The following GAB1 variants were observed in gnomAD, a reference collection of about 807,000 sequenced individuals.
GAB1 encodes the protein GRB2-associated-binding protein 1.
In GAB1, 19 loss-of-function variants were observed where a neutral mutation model predicts 66.5. The ratio of observed to expected loss-of-function variants is 0.29; its 90% CI spans 0.20 to 0.42. GAB1 has a LOEUF of 0.42. Ranked by LOEUF, GAB1 falls within the 10% of genes least tolerant of loss-of-function variation. GAB1 has a pLI of 1.00. For missense variants in GAB1, 732 were observed against 858.5 expected, an observed-to-expected ratio of 0.85 and a Z score of 1.84; for synonymous variants, 294 against 301.4, an observed-to-expected ratio of 0.98 and a Z score of 0.25.
In GAB1 at chr4:143,470,187, T is replaced by TA. The variant is rs1211576219; in HGVS notation, c.*999dup. On this transcript the variant is annotated 3_prime_UTR_variant, in exon 10 of 10. Transcript: ENST00000262994. ...AGATAGTAATTCAGATTTATTACTC[T>TA]ATGAAATTCTGTCTTTTGACACCAT... The TA allele has an allele frequency of 6.6e-6, 1 of 152,222 alleles. No homozygotes were observed. Among genetic ancestry groups the TA allele is most frequent in the East Asian group, 1.9e-4 (1 of 5,204 alleles). The allele number at this position is 152,222 out of a possible 1,614,324, so 9.4% of individuals were successfully genotyped here. A position where few individuals can be genotyped will look rare whatever the true frequency, so the allele number is the denominator to read the frequency against.
At chr4:143,371,293 T>A (rs1730111192) in intron 1 of GAB1, among the ~76,000 whole-genome samples, 1 of 152,214 alleles carries the variant, frequency 6.6e-6, no homozygotes, top group African/African-American at 2.4e-5. Flanking sequence ...ATTTCTCTGA[T>A]GGCCAGTGAT....
chr4:143,355,536 T>C (rs1729411649), intron 1 of GAB1, among the ~76,000 whole-genome samples: 1 of 152,162 alleles, frequency 6.6e-6, no homozygotes, highest in Admixed American at 6.5e-5. Flanking sequence ...CAGCCCAATC[T>C]CTCCTGCTTC....
chr4:143,357,865 C>CATAT (rs28989211), intron 1 of GAB1, among the ~76,000 whole-genome samples: 3,409 of 148,946 alleles, frequency 0.023, 116 homozygotes, highest in African/African-American at 0.079. Context: ...AGTTTTAAAT[C>CATAT]ATATATATAT....
At chr4:143,348,714 G>C (rs904429773) in intron 1 of GAB1, among the ~76,000 whole-genome samples, 7 of 152,158 alleles carry the variant, frequency 4.6e-5, no homozygotes, top group African/African-American at 1.7e-4. Context: ...TTTGCTCTTC[G>C]GAGTGCCTCT....
At chr4:143,467,118 A>C in intron 9 of GAB1, among the ~76,000 whole-genome samples, 1 of 151,836 alleles carries the variant, frequency 6.6e-6, no homozygotes. Context: ...AAATGTCTTT[A>C]TTTTGCCTTC....
chr4:143,413,465 T>C (rs1732501835), intron 1 of GAB1, among the ~76,000 whole-genome samples: 1 of 152,190 alleles, frequency 6.6e-6, no homozygotes, highest in African/African-American at 2.4e-5. Flanking sequence ...CTTATTCCTT[T>C]GAGCTGCGTG....
chr4:143,337,295 C>T (rs775444261), intron 1 of GAB1, 35 bp downstream of exon 1: 5 of 1,537,996 alleles, frequency 3.3e-6, no homozygotes, highest in East Asian at 2.4e-5. Context: ...CCGCGGGCCT[C>T]GGCGTCCACA....
intron 2 of GAB1, among the ~76,000 whole-genome samples, chr4:143,421,493 G>A (rs1369395565): frequency 1.3e-5 from 2 of 151,996 alleles, no homozygotes; most frequent in Non-Finnish European, 2.9e-5. Flanking sequence ...TCCAAAGTTA[G>A]TGTACCAGTT....
At chr4:143,387,117 G>T (rs1367040863) in intron 1 of GAB1, among the ~76,000 whole-genome samples, 3 of 151,090 alleles carry the variant, frequency 2.0e-5, no homozygotes, top group Non-Finnish European at 4.4e-5. Context: ...CAGGTGATTG[G>T]TTTTTTGTTG....
At chr4:143,439,511 T>C in intron 4 of GAB1, 1 of 328,614 alleles carries the variant, frequency 3.0e-6, no homozygotes, top group Non-Finnish European at 5.7e-6. Context: ...GATGAGAAAA[T>C]AGAGGTGTTT....
At chr4:143,345,029 T>C (rs1009444499) in intron 1 of GAB1, among the ~76,000 whole-genome samples, 1 of 152,224 alleles carries the variant, frequency 6.6e-6, no homozygotes, top group South Asian at 2.1e-4. Context: ...TGCAGTATTA[T>C]CTGGAACAAA....
At chr4:143,419,034 G>A (rs1279618004) in intron 2 of GAB1, among the ~76,000 whole-genome samples, 4 of 152,100 alleles carry the variant, frequency 2.6e-5, no homozygotes, top group Middle Eastern at 3.2e-3. Context: ...CTACTAGGCT[G>A]TGGGAATTCA....
intron 6 of GAB1, among the ~76,000 whole-genome samples, chr4:143,446,662 T>C (rs182972967): frequency 3.7e-4 from 56 of 151,334 alleles, no homozygotes; most frequent in Admixed American, 8.5e-4. Flanking sequence ...TCTTGTAAAT[T>C]TGTTTGAGTT....
chr4:143,401,803 A>G (rs1244426722), intron 1 of GAB1, among the ~76,000 whole-genome samples: 1 of 152,130 alleles, frequency 6.6e-6, no homozygotes, highest in Non-Finnish European at 1.5e-5. Context: ...AATATGGAGA[A>G]ATAGATTTTT....
intron 1 of GAB1, among the ~76,000 whole-genome samples, chr4:143,368,443 TG>T (rs1382983140): frequency 4.6e-5 from 7 of 152,216 alleles, no homozygotes; most frequent in African/African-American, 1.7e-4. Context: ...GAAAACTTGT[TG>T]GAGTAGGAAT....
intron 3 of GAB1, among the ~76,000 whole-genome samples, chr4:143,435,277 T>C (rs553954886): frequency 6.6e-6 from 1 of 152,320 alleles, no homozygotes; most frequent in Non-Finnish European, 1.5e-5. Flanking sequence ...GGATTTTACC[T>C]GTAAGAGCAG....
In GAB1 at chr4:143,341,867, A is replaced by G. The variant is rs78693597; in HGVS notation, c.72+4607A>G. Among the ~76,000 whole-genome samples, 331 of 152,312 alleles carry G rather than the reference A, an allele frequency of 2.2e-3. 1 individual carries two copies. The highest frequency in any genetic ancestry group is 7.6e-3 in the African/African-American group (315 of 41,560). ...CATGAAACCCCTGCTCAATAGTGTC[A>G]CTACAACAAAGAGGACTGTCATGTC... is the stretch of plus-strand genomic sequence containing the variant. On this transcript the variant is annotated intron_variant, in intron 1 of 9. Transcript: ENST00000262994.
chr4:143,466,072 G>A (rs748556973), intron 8 of GAB1, 31 bp from the exon 9 acceptor site: 2 of 1,610,232 alleles, frequency 1.2e-6, no homozygotes, highest in South Asian at 2.2e-5. Flanking sequence ...GTGAATGTCT[G>A]ACCGTTGATT....
At chr4:143,459,326 CTTGT>C (rs1402796295) in intron 6 of GAB1, 55 bp from the exon 7 acceptor site, 40 of 966,998 alleles carry the variant, frequency 4.1e-5, no homozygotes, top group Non-Finnish European at 6.2e-5. Flanking sequence ...GAGAGAGAAT[CTTGT>C]TTGTTTTCCA....
Sources: gnomAD v4.1 joint callset for allele counts (sites outside exome capture counted in the v4.1 genomes callset) on GRCh38, gnomAD v4.1.1 for gene constraint, MANE v1.5 for transcripts, NCBI Gene and HGNC (gene_info 2026-07-23, HGNC 2026-07-21) for gene names.